Variants in ANO1 observed in about 807,000 individuals in gnomAD.
ANO1 encodes the protein anoctamin 1.
A neutral mutation model predicts 124.0 loss-of-function variants in ANO1; 59 were observed. The ratio of observed to expected loss-of-function variants is 0.48; its 90% CI spans 0.39 to 0.59. The LOEUF (loss-of-function observed/expected upper bound fraction) is 0.59, where lower values mean the gene tolerates loss of function less well. Ranked by LOEUF, ANO1 falls within the 20% of genes least tolerant of loss-of-function variation. The probability of loss-of-function intolerance (pLI) is 0.00; values close to 1 mark genes in which losing one functional copy is unlikely to be tolerated. For missense variants in ANO1, 1,059 were observed against 1,328.0 expected (o/e 0.80, Z 3.15); for synonymous variants, 529 against 532.0 (o/e 0.99, Z 0.08).
the ANO1 span, among the ~76,000 whole-genome samples, chr11:69,978,393 C>T: frequency 2.6e-5 from 4 of 152,200 alleles, no homozygotes; most frequent in Non-Finnish European, 5.9e-5. Flanking sequence ...CCCGGTAGTG[C>T]AGGCTGGAGT....
intron 22 of ANO1, among the ~76,000 whole-genome samples, chr11:70,175,044 G>A (rs2048638718): frequency 6.6e-6 from 1 of 152,016 alleles, no homozygotes; most frequent in African/African-American, 2.4e-5. Flanking sequence ...CAGTGCGCGT[G>A]TGTTTGCTCT....
At chr11:70,108,113 A>G (rs1351117421) in intron 5 of ANO1, 20 of 462,328 alleles carry the variant, frequency 4.3e-5, no homozygotes, top group Non-Finnish European at 7.4e-5. Flanking sequence ...GGGAGGTGAA[A>G]GATGGGAACT....
chr11:70,128,768 A>G (rs2046625789), intron 10 of ANO1, among the ~76,000 whole-genome samples: 1 of 152,240 alleles, frequency 6.6e-6, no homozygotes, highest in Non-Finnish European at 1.5e-5. Flanking sequence ...TATTTTGGCT[A>G]AAGGCGGTGA....
intron 19 of ANO1, 67 bp downstream of exon 19, chr11:70,163,407 A>C: frequency 6.4e-7 from 1 of 1,561,698 alleles, no homozygotes. Flanking sequence ...TACACCATGC[A>C]CTTGGGAGAA....
At chr11:70,062,524 C>T (rs941254092) in intron 1 of ANO1, among the ~76,000 whole-genome samples, 7 of 152,212 alleles carry the variant, frequency 4.6e-5, no homozygotes, top group Non-Finnish European at 7.3e-5. Flanking sequence ...GCATGGGGGC[C>T]GCATGTTTTG....
At chr11:70,116,623 C>T in intron 8 of ANO1, 124 bp downstream of exon 8, 1 of 876,828 alleles carries the variant, frequency 1.1e-6, no homozygotes, top group Non-Finnish European at 1.8e-6. Context: ...GCGCTCGCTG[C>T]AGGGGGCTGA....
At position 70,144,857 on chromosome 11, in the gene ANO1, C is replaced by T. The variant is rs1215523629; in HGVS notation, c.1259-4853C>T. Among the ~76,000 whole-genome samples, 3 of 152,228 alleles carry T rather than the reference C, an allele frequency of 2.0e-5. No homozygotes were observed. In the South Asian group the frequency reaches 6.2e-4, roughly 32 times the overall value. ...AGGTTTCTGCCCTTACTTGATGAGT[C>T]CCCTGACGTCTCAGAACCTCAGCTA... On this transcript the variant is annotated intron_variant, in intron 11 of 25. Transcript: ENST00000355303.
At chr11:69,984,345 C>T (rs1285625864), upstream of ANO1, among the ~76,000 whole-genome samples, 3 of 108,690 alleles carry the variant, frequency 2.8e-5, no homozygotes, top group Non-Finnish European at 3.9e-5. Context: ...AATAAAATCC[C>T]ACTTGAGTGC....
At chr11:70,103,959 C>G in intron 3 of ANO1, 40 bp from the exon 4 acceptor site, 1 of 1,596,182 alleles carries the variant, frequency 6.3e-7, no homozygotes, top group South Asian at 1.1e-5. Flanking sequence ...CATGGTCCAG[C>G]AGGGTGACGC....
At chr11:69,980,014 G>A in the ANO1 span, among the ~76,000 whole-genome samples, 8 of 152,100 alleles carry the variant, frequency 5.3e-5, no homozygotes, top group East Asian at 5.8e-4. Flanking sequence ...TGAAACTTCC[G>A]TTCATGGCCA....
chr11:70,016,540 G>A (rs1366449132), intron 1 of ANO1: 1 of 152,308 alleles, frequency 6.6e-6, no homozygotes, highest in Admixed American at 6.5e-5. Context: ...GCCAGCCTGG[G>A]ATGCTGCGGA....
At chr11:70,103,369 C>T (rs1358608148) in intron 3 of ANO1, among the ~76,000 whole-genome samples, 1 of 152,058 alleles carries the variant, frequency 6.6e-6, no homozygotes, top group Non-Finnish European at 1.5e-5. Flanking sequence ...GAATATGACC[C>T]AACCCTGGGT....
intron 24 of ANO1, among the ~76,000 whole-genome samples, chr11:70,184,081 G>A (rs2049021636): frequency 6.6e-6 from 1 of 152,308 alleles, no homozygotes; most frequent in African/African-American, 2.4e-5. Flanking sequence ...ACTGACCTCA[G>A]GTTTTAGTGA....
chr11:70,031,302 G>A (rs994823153), intron 1 of ANO1, among the ~76,000 whole-genome samples: 2 of 152,148 alleles, frequency 1.3e-5, no homozygotes, highest in African/African-American at 4.8e-5. Context: ...AAGCTAATTA[G>A]CATATCTATC....
chr11:70,121,002 T>C (rs753367112), intron 8 of ANO1, among the ~76,000 whole-genome samples: 38 of 152,298 alleles, frequency 2.5e-4, no homozygotes, highest in South Asian at 8.3e-4. Flanking sequence ...GAGTGACTGA[T>C]GTCGCCTCTT....
chr11:70,108,245 T>C, intron 5 of ANO1, 108 bp from the exon 6 acceptor site: 1 of 1,040,062 alleles, frequency 9.6e-7, no homozygotes. Flanking sequence ...ACCAAGGAGG[T>C]CTTCATGCGT....
intron 17 of ANO1, 41 bp from the exon 18 acceptor site, chr11:70,161,581 T>C (rs1263896234): frequency 1.9e-6 from 3 of 1,597,900 alleles, no homozygotes; most frequent in Admixed American, 1.7e-5. Flanking sequence ...TTGGGGGCCA[T>C]CCCAGCCACA....
At chr11:70,180,193 A>C in intron 23 of ANO1, 137 bp downstream of exon 23, 1 of 781,056 alleles carries the variant, frequency 1.3e-6, no homozygotes. Flanking sequence ...CGGATTCTCT[A>C]GTTATAAATG....
intron 22 of ANO1, among the ~76,000 whole-genome samples, chr11:70,175,420 G>C (rs1590927849): frequency 6.6e-6 from 1 of 152,366 alleles, no homozygotes. Context: ...CGAGCTCCTT[G>C]AGAGGACAGA....
Sources: allele counts gnomAD v4.1 joint callset (sites outside exome capture counted in the v4.1 genomes callset), GRCh38; gene constraint gnomAD v4.1.1; transcripts MANE v1.5; gene names NCBI Gene and HGNC (gene_info 2026-07-23, HGNC 2026-07-21).